The following ZNF362 variants were observed in gnomAD, a reference collection of about 807,000 sequenced individuals.
ZNF362 encodes the protein rotund homolog.
In ZNF362, 11 loss-of-function variants were observed where a neutral mutation model predicts 42.9. The ratio of observed to expected loss-of-function variants is 0.26; its 90% confidence interval spans 0.16 to 0.42. The LOEUF (loss-of-function observed/expected upper bound fraction) is 0.42. Among genes scored for constraint, ZNF362 ranks in the 20% least tolerant of loss-of-function variants. The pLI is 1.00. For synonymous variants in ZNF362, 255 were observed against 257.3 expected, an observed-to-expected ratio of 0.99 and a Z score of 0.09; for missense variants, 362 against 576.2, an observed-to-expected ratio of 0.63 and a Z score of 3.81.
the ZNF362 span, among the ~76,000 whole-genome samples, chr1:33,203,437 A>T: frequency 6.6e-6 from 1 of 152,162 alleles, no homozygotes; most frequent in Non-Finnish European, 1.5e-5. Context: ...TGAACATGGG[A>T]GTACAGACGT....
the ZNF362 span, among the ~76,000 whole-genome samples, chr1:33,196,496 C>T: frequency 1.3e-5 from 2 of 152,194 alleles, no homozygotes; most frequent in Non-Finnish European, 2.9e-5. Context: ...GTCCACATCT[C>T]GCCCCACTGG....
the ZNF362 span, among the ~76,000 whole-genome samples, chr1:33,203,889 C>T: frequency 4.6e-5 from 7 of 151,990 alleles, no homozygotes; most frequent in South Asian, 2.1e-4. Context: ...ATCAGATGTA[C>T]GGTTTGCAAA....
chr1:33,194,490 C>G, the ZNF362 span, among the ~76,000 whole-genome samples: 1 of 147,334 alleles, frequency 6.8e-6, no homozygotes, highest in African/African-American at 2.5e-5. Flanking sequence ...AGAGATTGCA[C>G]CACTGCACTC....
chr1:33,280,422 C>A lies in ZNF362; in HGVS notation c.648C>A (p.Ala216=). ...PVLVVPYPIL[A]SGETAKEGKT... ...TTGTAGTCCCCTATCCCATCCTGGC[C>A]TCGGGCGAGACTGCCAAGGAGGGCA... Residue 216 remains alanine, a synonymous_variant, in exon 5 of 9, where the codon GCC becomes GCA. Transcript: ENST00000539719. This position sits in a 1 kb window ranked among gnomAD's most constrained non-coding sequence, Gnocchi z 5.6. 1.2e-6 allele frequency: 2 copies of A among 1,609,912 alleles called. No homozygotes were observed. The highest frequency in any genetic ancestry group is 1.7e-6 in the Non-Finnish European group (2 of 1,177,930).
chr1:33,179,231 G>C, the ZNF362 span, among the ~76,000 whole-genome samples: 1 of 152,244 alleles, frequency 6.6e-6, no homozygotes, highest in Non-Finnish European at 1.5e-5. Context: ...GCCAAGCCTT[G>C]TGCAGGCTCC....
the ZNF362 span, among the ~76,000 whole-genome samples, chr1:33,222,741 C>T: frequency 6.6e-6 from 1 of 152,172 alleles, no homozygotes; most frequent in Non-Finnish European, 1.5e-5. Context: ...GTTTCCTTCT[C>T]ATCATTCAGT....
At chr1:33,275,948 G>C (rs1645941786) in intron 2 of ZNF362, 152 bp from the exon 3 acceptor site, 2 of 749,946 alleles carry the variant, frequency 2.7e-6, no homozygotes, top group Non-Finnish European at 4.4e-6. Flanking sequence ...TTCCTGGCCT[G>C]GTGGGAGGCC....
chr1:33,129,437 G>C, the ZNF362 span, among the ~76,000 whole-genome samples: 1 of 152,102 alleles, frequency 6.6e-6, no homozygotes, highest in African/African-American at 2.4e-5. The surrounding 1 kb of genome is among the most constrained non-coding windows in gnomAD (Gnocchi z 4.1). Context: ...TGGGTCCTGT[G>C]GTTCATCTTT....
chr1:33,257,988 C>G (rs1226588310), intron 1 of ZNF362, among the ~76,000 whole-genome samples: 1 of 152,154 alleles, frequency 6.6e-6, no homozygotes, highest in Non-Finnish European at 1.5e-5. Flanking sequence ...GTGGTAATGT[C>G]TTCCCCGACC....
chr1:33,226,979 C>T, the ZNF362 span, among the ~76,000 whole-genome samples: 11 of 152,124 alleles, frequency 7.2e-5, no homozygotes, highest in African/African-American at 2.4e-4. Context: ...AATGGCAAAT[C>T]CCTGAAGATA....
chr1:33,168,545 A>G, the ZNF362 span, among the ~76,000 whole-genome samples: 1 of 152,216 alleles, frequency 6.6e-6, no homozygotes, highest in Admixed American at 6.5e-5. Context: ...GCCGCAGCAC[A>G]CCCACCTGGA....
At chr1:33,153,425 G>A in the ZNF362 span, among the ~76,000 whole-genome samples, 1 of 152,326 alleles carries the variant, frequency 6.6e-6, no homozygotes, top group East Asian at 1.9e-4. Flanking sequence ...TGCTTCCCAG[G>A]GACATCTGGC....
In ZNF362 at chr1:33,299,149, T is replaced by C; in HGVS notation, c.*103T>C. Reference sequence around the variant, plus strand: ...GGGCCCTCCAGGAACCACCAAGCTCTCTCACGACCTTCCCAATCTTCCAGA... The same window carrying C: ...GGGCCCTCCAGGAACCACCAAGCTCCCTCACGACCTTCCCAATCTTCCAGA... On this transcript the variant is annotated 3_prime_UTR_variant, in exon 9 of 9. Coordinates refer to ENST00000539719, the MANE Select transcript of ZNF362 (RefSeq NM_152493.3). The C allele has an allele frequency of 1.2e-6, 1 of 836,692 alleles. No individual in the cohort carries two copies. Among genetic ancestry groups the C allele is most frequent in the Admixed American group, 2.1e-5 (1 of 47,950 alleles). 51.8% of individuals were successfully genotyped at this position (836,692 alleles called of 1,614,324 possible). A position where few individuals can be genotyped will look rare whatever the true frequency, so the allele number is the denominator to read the frequency against.
the ZNF362 span, among the ~76,000 whole-genome samples, chr1:33,225,989 A>T: frequency 3.3e-5 from 5 of 152,280 alleles, no homozygotes; most frequent in African/African-American, 1.2e-4. Context: ...CCAAAACCAT[A>T]AATAGGCAAA....
the ZNF362 span, among the ~76,000 whole-genome samples, chr1:33,237,763 A>T: frequency 1.1e-4 from 17 of 152,236 alleles, no homozygotes; most frequent in South Asian, 8.3e-4. Context: ...GAGCCATGTG[A>T]CTAGTTCTGG....
At chr1:33,202,198 A>G in the ZNF362 span, among the ~76,000 whole-genome samples, 1 of 152,274 alleles carries the variant, frequency 6.6e-6, no homozygotes, top group African/African-American at 2.4e-5. Context: ...TAAGAAGGAA[A>G]TAATACAAAT....
chr1:33,217,261 G>A, the ZNF362 span, among the ~76,000 whole-genome samples: 1 of 152,190 alleles, frequency 6.6e-6, no homozygotes, highest in Non-Finnish European at 1.5e-5. Flanking sequence ...TGAAGTGAGA[G>A]CAGTGAGGAA....
the ZNF362 span, among the ~76,000 whole-genome samples, chr1:33,184,011 T>G: frequency 6.7e-6 from 1 of 148,182 alleles, no homozygotes; most frequent in Non-Finnish European, 1.5e-5. Context: ...CAGGGCAGAG[T>G]CTAAATTATT....
At chr1:33,290,915 G>GT (rs1235425256) in intron 6 of ZNF362, among the ~76,000 whole-genome samples, 2 of 151,970 alleles carry the variant, frequency 1.3e-5, no homozygotes, top group Non-Finnish European at 2.9e-5. Context: ...GGGGTTGTTT[G>GT]TTTTTTTCTT....
Sources: gnomAD v4.1 joint callset for allele counts (sites outside exome capture counted in the v4.1 genomes callset) on GRCh38, gnomAD v4.1.1 for gene constraint, Gnocchi (gnomAD v3.1) non-coding constraint, MANE v1.5 for transcripts, NCBI Gene and HGNC (gene_info 2026-07-23, HGNC 2026-07-21) for gene names.